NDEL1: variants seen among roughly 807,000 people sequenced by gnomAD.
NDEL1 encodes nuclear distribution protein nudE-like 1.
NDEL1 carries 9 observed loss-of-function variants against 45.7 expected under a neutral mutation model. That is an observed-to-expected ratio of 0.20 (90% confidence interval 0.12 to 0.34). The LOEUF (loss-of-function observed/expected upper bound fraction) is 0.34, where lower values mean the gene tolerates loss of function less well. Among genes scored for constraint, NDEL1 ranks in the 10% least tolerant of loss-of-function variants. The probability of loss-of-function intolerance (pLI) is 1.00; values close to 1 mark genes in which losing one functional copy is unlikely to be tolerated. For synonymous variants in NDEL1, 133 were observed against 158.6 expected, an observed-to-expected ratio of 0.84 and a Z score of 1.21; for missense variants, 306 against 406.2, an observed-to-expected ratio of 0.75 and a Z score of 2.12.
chr17:8,447,501 C>A (rs764463833), intron 4 of NDEL1, among the ~76,000 whole-genome samples: 3 of 152,228 alleles, frequency 2.0e-5, no homozygotes, highest in African/African-American at 7.2e-5. Flanking sequence ...CATCTTCCCT[C>A]TGTGCTCTTA....
At chr17:8,451,719 G>T (rs1015735135) in intron 6 of NDEL1, among the ~76,000 whole-genome samples, 3 of 152,058 alleles carry the variant, frequency 2.0e-5, no homozygotes, top group South Asian at 2.1e-4. Context: ...TCTCAATTGA[G>T]ATTTGTTTAG....
chr17:8,456,529 C>T (rs906351901), intron 7 of NDEL1, among the ~76,000 whole-genome samples: 2 of 126,006 alleles, frequency 1.6e-5, no homozygotes, highest in African/African-American at 6.1e-5. Flanking sequence ...AACGGAGTCT[C>T]GCTTTGTTGC....
chr17:8,461,209 T>C (rs1911179396), intron 8 of NDEL1: 1 of 152,172 alleles, frequency 6.6e-6, no homozygotes. Context: ...CCTCAATAAT[T>C]ATGGCACATG....
chr17:8,415,983 GTGA>G (rs1227644002), intron 1 of NDEL1, among the ~76,000 whole-genome samples: 2 of 151,980 alleles, frequency 1.3e-5, no homozygotes, highest in Admixed American at 6.6e-5. Context: ...ACCTGACCTC[GTGA>G]TCCACCCGTC....
At chr17:8,461,009 T>C (rs1282258269) in intron 8 of NDEL1, 3 of 152,232 alleles carry the variant, frequency 2.0e-5, no homozygotes, top group Non-Finnish European at 1.5e-5. Context: ...TTAGGACCCG[T>C]GGCCTGGGAT....
upstream of NDEL1, among the ~76,000 whole-genome samples, chr17:8,431,669 G>A (rs1909002966): frequency 6.6e-6 from 1 of 152,152 alleles, no homozygotes; most frequent in African/African-American, 2.4e-5. Context: ...ATCTTGCTGA[G>A]TCTGTTTCCT....
Position 8,444,279 on chromosome 17 carries a change from G to A in NDEL1, c.8G>A (p.Gly3Asp). 6.2e-7 allele frequency: 1 copy of A among 1,609,556 alleles called. No homozygotes were observed. The highest frequency in any genetic ancestry group is 8.5e-7 in the Non-Finnish European group (1 of 1,176,200). Residue 3 changes from glycine (G) to aspartate (D), a missense_variant, in exon 2 of 9, where the codon GGT (glycine) becomes GAT (aspartate). By Grantham distance (94) the Gly-to-Asp change is moderately conservative. This residue lies in a region of NDEL1 where 112 missense variants were observed against 148.3 expected (regional missense o/e 0.76). Transcript: ENST00000334527. MD[G>D]EDIPDFSSLK... is the part of the protein sequence containing the mutation. ...TCACAGGCTTTCTTGATCATGGATG[G>A]TGAAGATATACCAGATTTTTCAAGT...
intron 1 of NDEL1, among the ~76,000 whole-genome samples, chr17:8,427,664 C>T (rs965908487): frequency 2.6e-5 from 4 of 152,058 alleles, no homozygotes; most frequent in Admixed American, 6.5e-5. Flanking sequence ...GCCAAGCTCG[C>T]GCCACTGCAC....
intron 6 of NDEL1, among the ~76,000 whole-genome samples, chr17:8,452,669 CTCTTTCTT>C (rs545929487): frequency 2.0e-5 from 3 of 149,802 alleles, no homozygotes; most frequent in Non-Finnish European, 4.4e-5. Flanking sequence ...ATGTTTGTTT[CTCTTTCTT>C]TCTTTCTTTC....
Position 8,460,115 on chromosome 17 carries a change from G to A in NDEL1, c.899G>A (p.Gly300Asp), listed in dbSNP as rs115005642. Residue 300 changes from glycine to aspartate, a missense_variant, in exon 8 of 9, where the codon GGC becomes GAC. By Grantham distance (94) the Gly-to-Asp change is moderately conservative. Around this residue, in one of 3 missense-constraint regions of NDEL1, gnomAD observed 175 missense variants for 205.2 expected, o/e 0.85. Coordinates refer to ENST00000334527, the MANE Select transcript of NDEL1 (RefSeq NM_030808.5). ...AACTGTGGGGTGCTGAATGGCAATG[G>A]CACAAAGTTCTCTCGATCAGGGCAT... ...NVNCGVLNGNGTKFSRSGHTS... is the reference protein window; with the variant it reads ...NVNCGVLNGNDTKFSRSGHTS... 856 of 1,614,088 alleles carry A rather than the reference G, an allele frequency of 5.3e-4. 1 individual carries two copies. In the African/African-American group the frequency reaches 0.011, roughly 20 times the overall value.
At chr17:8,473,747 CTGTT>C (rs898001955) in intron 3 of NDEL1, among the ~76,000 whole-genome samples, 15 of 152,226 alleles carry the variant, frequency 9.9e-5, no homozygotes, top group South Asian at 4.1e-4. Flanking sequence ...TCGGCATTCT[CTGTT>C]TGATTCTGTG....
intron 7 of NDEL1, among the ~76,000 whole-genome samples, chr17:8,457,407 AAT>A (rs386795088): frequency 0.011 from 1,705 of 152,270 alleles, 30 homozygotes; most frequent in African/African-American, 0.039. Context: ...ATGAAAGTTT[AAT>A]TTGGCATCCT....
intron 6 of NDEL1, among the ~76,000 whole-genome samples, chr17:8,454,012 T>C (rs902016517): frequency 1.2e-4 from 19 of 152,126 alleles, no homozygotes; most frequent in African/African-American, 4.3e-4. Context: ...GGCTCTCCAT[T>C]TGGAGGAAAA....
chr17:8,425,193 C>T (rs1229909625), intron 1 of NDEL1, among the ~76,000 whole-genome samples: 1 of 152,218 alleles, frequency 6.6e-6, no homozygotes, highest in Non-Finnish European at 1.5e-5. Flanking sequence ...GGATATGATT[C>T]ACATGTTTCT....
intron 1 of NDEL1, among the ~76,000 whole-genome samples, chr17:8,442,582 C>T (rs1909807128): frequency 6.6e-6 from 1 of 152,026 alleles, no homozygotes; most frequent in Non-Finnish European, 1.5e-5. Context: ...GTTGGGATTA[C>T]AGGCATGAGC....
intron 7 of NDEL1, among the ~76,000 whole-genome samples, chr17:8,457,550 T>C (rs1051021643): frequency 6.6e-6 from 1 of 152,268 alleles, no homozygotes; most frequent in African/African-American, 2.4e-5. Context: ...ATATTTCATT[T>C]ATGCCTCTTT....
rs568938646 is a variant in NDEL1 at position 8,452,781 on chromosome 17, C to T, written c.700+1828C>T. Among the ~76,000 whole-genome samples, 23 of 39,556 alleles carry T rather than the reference C, an allele frequency of 5.8e-4. No homozygotes were observed. The South Asian group carries it at 0.017, about 29-fold the overall frequency. The allele number at this position is 39,556 out of a possible 152,430, so 26.0% of individuals were successfully genotyped here. On this transcript the variant is annotated intron_variant, in intron 6 of 8. Transcript: ENST00000334527. ...TTTGACAGAGTTTTGCTTTTTTTGCCCAGGCTAGAGTGCAATGGTGCGATC... is the reference window on the plus strand; with the variant it reads ...TTTGACAGAGTTTTGCTTTTTTTGCTCAGGCTAGAGTGCAATGGTGCGATC...
At chr17:8,440,826 A>G (rs542358124) in intron 1 of NDEL1, among the ~76,000 whole-genome samples, 2 of 152,358 alleles carry the variant, frequency 1.3e-5, no homozygotes, top group East Asian at 3.9e-4. Context: ...TCAAAGCATT[A>G]ACTGCTAGTA....
At chr17:8,462,222 T>C (rs1911255398) in intron 8 of NDEL1, among the ~76,000 whole-genome samples, 1 of 152,152 alleles carries the variant, frequency 6.6e-6, no homozygotes, top group South Asian at 2.1e-4. Context: ...GAGTTTTGGT[T>C]TTAAATGGTA....
Sources: gnomAD v4.1 joint callset for allele counts (sites outside exome capture counted in the v4.1 genomes callset) on GRCh38, gnomAD v4.1.1 for gene constraint, gnomAD v4.1.1 regional missense constraint, MANE v1.5 for transcripts, NCBI Gene and HGNC (gene_info 2026-07-23, HGNC 2026-07-21) for gene names.